The following FGF13 variants were observed in gnomAD, a reference collection of about 807,000 sequenced individuals.
The protein encoded by FGF13 is fibroblast growth factor 13.
A neutral mutation model predicts 19.5 loss-of-function variants in FGF13; 2 were observed. That is an observed-to-expected ratio of 0.10 (90% CI 0.04 to 0.32). The LOEUF is 0.32. Ranked by LOEUF, FGF13 falls within the 10% of genes least tolerant of loss-of-function variation. The pLI is 1.00. For missense variants in FGF13, 113 were observed against 192.7 expected, an observed-to-expected ratio of 0.59 and a Z score of 2.45; for synonymous variants, 72 against 76.9, an observed-to-expected ratio of 0.94 and a Z score of 0.33.
rs147133633 is a variant in FGF13, at chrX:138,917,989, A to C, written c.-112-53339T>G. Among the ~76,000 whole-genome samples the C allele has an allele frequency of 8.3e-3, 929 of 111,442 alleles. 14 individuals are homozygous for C. Among genetic ancestry groups the C allele is most frequent in the African/African-American group, 0.029 (887 of 30,665 alleles). ...TGAAAGGAATGTCCATTATTACTTC[A>C]TCTGACATAAGGAGGTACTAGGAAT... On this transcript the variant is annotated intron_variant, in intron 1 of 2. Coordinates refer to the FGF13 transcript ENST00000421460.
chrX:139,154,583 C>G (rs2083962672), intron 1 of FGF13, among the ~76,000 whole-genome samples: 1 of 111,956 alleles, frequency 8.9e-6, no homozygotes, highest in Non-Finnish European at 1.9e-5. Flanking sequence ...CAAAATGTAG[C>G]CATTAAATGA....
intron 1 of FGF13, among the ~76,000 whole-genome samples, chrX:138,731,219 T>A (rs1311958233): frequency 9.0e-6 from 1 of 111,289 alleles, no homozygotes; most frequent in Non-Finnish European, 1.9e-5. Flanking sequence ...CAATTTGACC[T>A]GATATAAACG....
chrX:138,995,471 C>A (rs1413515880), intron 1 of FGF13, among the ~76,000 whole-genome samples: 1 of 111,394 alleles, frequency 9.0e-6, no homozygotes, highest in East Asian at 2.8e-4. Flanking sequence ...CTCTTCCCAA[C>A]AGCCCTCCCC....
chrX:138,964,872 T>C (rs1569431829), intron 1 of FGF13, among the ~76,000 whole-genome samples: 1 of 111,338 alleles, frequency 9.0e-6, no homozygotes, highest in Non-Finnish European at 1.9e-5. Context: ...TCCACTCCCA[T>C]GGCCCAAACA....
chrX:139,059,128 G>A (rs758991538), intron 1 of FGF13, among the ~76,000 whole-genome samples: 12 of 110,935 alleles, frequency 1.1e-4, no homozygotes, highest in South Asian at 3.8e-4. Flanking sequence ...GAGAAGTGAC[G>A]TTCTAATCTT....
intron 1 of FGF13, among the ~76,000 whole-genome samples, chrX:139,048,563 G>GTTTTTTTTTT (rs754951194): frequency 3.4e-5 from 3 of 88,709 alleles, no homozygotes; most frequent in African/African-American, 4.1e-5. Context: ...TACAGCTCTT[G>GTTTTTTTTTT]TTTTTTTTTT....
At chrX:139,128,952 C>T (rs2083738660) in intron 1 of FGF13, among the ~76,000 whole-genome samples, 1 of 109,757 alleles carries the variant, frequency 9.1e-6, no homozygotes. Flanking sequence ...CCTGCAACAA[C>T]GGTTGGCATA....
At chrX:139,035,488 A>G (rs1004083989) in intron 1 of FGF13, among the ~76,000 whole-genome samples, 1 of 111,601 alleles carries the variant, frequency 9.0e-6, no homozygotes, top group African/African-American at 3.3e-5. Flanking sequence ...CTGACTGAAT[A>G]ACAAAATTCC....
intron 1 of FGF13, among the ~76,000 whole-genome samples, chrX:139,027,249 C>T (rs1258471037): frequency 3.6e-5 from 4 of 112,364 alleles, no homozygotes; most frequent in Admixed American, 9.4e-5. Flanking sequence ...ATAACTGATA[C>T]AAAGATGTTT....
At chrX:138,996,121 A>C (rs1433624814) in intron 1 of FGF13, among the ~76,000 whole-genome samples, 1 of 111,886 alleles carries the variant, frequency 8.9e-6, no homozygotes, top group African/African-American at 3.3e-5. Context: ...TACCCACAGA[A>C]GGCAGGTAAT....
chrX:139,200,996 G>A (rs1056595048), intron 1 of FGF13, among the ~76,000 whole-genome samples: 4 of 112,026 alleles, frequency 3.6e-5, no homozygotes, highest in African/African-American at 1.3e-4. Flanking sequence ...CAAGAGCCGC[G>A]TGACTCAAAC....
intron 1 of FGF13, among the ~76,000 whole-genome samples, chrX:139,189,733 C>T (rs968182367): frequency 2.7e-5 from 3 of 111,799 alleles, no homozygotes; most frequent in South Asian, 7.5e-4. Flanking sequence ...TGTGAGATAA[C>T]GTTCTGAAGA....
At chrX:139,052,459 A>C (rs533471023) in intron 1 of FGF13, among the ~76,000 whole-genome samples, 1 of 111,860 alleles carries the variant, frequency 8.9e-6, no homozygotes, top group South Asian at 3.7e-4. Context: ...AAGATGAGGA[A>C]ACAAAAAGAA....
chrX:138,828,431 G>A (rs988623294), intron 3 of FGF13, among the ~76,000 whole-genome samples: 42 of 110,225 alleles, frequency 3.8e-4, no homozygotes, highest in African/African-American at 1.3e-3. Flanking sequence ...TTAGCCGGGC[G>A]TGGTGGCGGG....
intron 1 of FGF13, among the ~76,000 whole-genome samples, chrX:139,198,479 A>T (rs954080776): frequency 1.5e-4 from 17 of 111,782 alleles, no homozygotes; most frequent in Non-Finnish European, 3.2e-4. Context: ...ACACCAGCAG[A>T]AGCCTTTGCC....
Position 139,105,163 on chromosome X carries a change from CT to C in FGF13, c.-113+98252del, listed in dbSNP as rs774612256. 2.1e-4 allele frequency among the ~76,000 whole-genome samples: 23 copies of C among 111,034 alleles called. No homozygotes were observed. In the East Asian group the frequency reaches 6.0e-3, roughly 29 times the overall value. On this transcript the variant is annotated intron_variant, in intron 1 of 2. Transcript: ENST00000421460. ...GTATAAAGAGTCGTGGAACTCAGGGCTGCTGGATGCTTTGAAAGATAAGGCC... is the reference window on the plus strand; with the variant it reads ...GTATAAAGAGTCGTGGAACTCAGGGCGCTGGATGCTTTGAAAGATAAGGCC...
intron 3 of FGF13, among the ~76,000 whole-genome samples, chrX:138,792,065 G>C (rs767414853): frequency 2.0e-4 from 22 of 111,606 alleles, no homozygotes; most frequent in Non-Finnish European, 3.4e-4. Context: ...AGTGTTGCTA[G>C]CTTCTCACAA....
chrX:138,948,248 T>A (rs2091791992), intron 1 of FGF13, among the ~76,000 whole-genome samples: 1 of 111,491 alleles, frequency 9.0e-6, no homozygotes, highest in African/African-American at 3.3e-5. Context: ...GGGTCTCAGA[T>A]GATTCTGATG....
intron 1 of FGF13, among the ~76,000 whole-genome samples, chrX:139,054,065 G>A (rs2092311817): frequency 9.3e-6 from 1 of 107,558 alleles, no homozygotes; most frequent in South Asian, 4.1e-4. Context: ...ATTGGCTGAA[G>A]GTATTTGGGT....
Sources: allele counts gnomAD v4.1 joint callset (sites outside exome capture counted in the v4.1 genomes callset), GRCh38; gene constraint gnomAD v4.1.1; transcripts MANE v1.5; gene names NCBI Gene and HGNC (gene_info 2026-07-23, HGNC 2026-07-21).